Variants in COL25A1 observed in about 807,000 individuals in gnomAD.
COL25A1 encodes the protein collagen type XXV alpha 1 chain.
Under a neutral mutation model 128.4 loss-of-function variants are expected in COL25A1, and 103 were observed. The observed-to-expected ratio is 0.80, with a 90% confidence interval of 0.68 to 0.94. The LOEUF (loss-of-function observed/expected upper bound fraction) is 0.94, where lower values mean the gene tolerates loss of function less well. COL25A1 is among the 40% of genes least tolerant of loss of function. The pLI is 0.00. For missense variants in COL25A1, 745 were observed against 840.0 expected (o/e 0.89, Z 1.40); for synonymous variants, 279 against 277.2 (o/e 1.01, Z -0.06).
In COL25A1 at chr4:109,301,757, A is replaced by T. The variant is rs1267484553; in HGVS notation, c.263T>A (p.Met88Lys). 1.2e-6 allele frequency: 2 copies of T among 1,614,148 alleles called. No individual in the cohort carries two copies. Among genetic ancestry groups the T allele is most frequent in the East Asian group, 4.5e-5 (2 of 44,880 alleles). The change falls in exon 2 of 38, where the codon ATG (methionine) becomes AAG (lysine). Residue 88 changes from methionine (M) to lysine (K), a missense_variant. Physicochemically the swap from Met to Lys is moderately conservative, Grantham distance 95 (BLOSUM62 -1). Around this residue, in one of 3 missense-constraint regions of COL25A1, gnomAD observed 319 missense variants for 324.9 expected, o/e 0.98. Coordinates refer to ENST00000399132, the MANE Select transcript of COL25A1 (RefSeq NM_198721.4). The stretch of plus-strand genomic sequence containing the variant: ...AAGTCGCTCCACTTTCTCTTGCACC[A>T]TAGTCTTGAGGTGATCCAGGGTATC... ...LPDTLDHLKT[M>K]VQEKVERLLA...
At chr4:108,824,126 C>T (rs746787988) in intron 35 of COL25A1, 48 bp downstream of exon 35, 2 of 1,613,956 alleles carry the variant, frequency 1.2e-6, no homozygotes, top group Non-Finnish European at 1.7e-6. Flanking sequence ...GCAAAGCAGA[C>T]AGCAGGAGAA....
intron 5 of COL25A1, among the ~76,000 whole-genome samples, chr4:109,018,527 T>A (rs1209733511): frequency 1.3e-5 from 2 of 152,142 alleles, no homozygotes; most frequent in Admixed American, 1.3e-4. Context: ...CCTGGCCCCA[T>A]CCTCTCAATG....
At chr4:108,848,675 C>T in intron 27 of COL25A1, 84 bp downstream of exon 27, 1 of 908,936 alleles carries the variant, frequency 1.1e-6, no homozygotes, top group East Asian at 2.4e-5. Flanking sequence ...TATCAATGCT[C>T]ATGACATTTT....
At chr4:109,044,320 A>T (rs1219875063) in intron 5 of COL25A1, among the ~76,000 whole-genome samples, 4 of 152,162 alleles carry the variant, frequency 2.6e-5, no homozygotes, top group Non-Finnish European at 5.9e-5. Context: ...AGTGGAATAT[A>T]TCCAAGTTTT....
intron 8 of COL25A1, among the ~76,000 whole-genome samples, chr4:108,961,806 T>C (rs1206496162): frequency 1.3e-5 from 2 of 152,170 alleles, no homozygotes; most frequent in Non-Finnish European, 2.9e-5. Context: ...AATTTCAAGA[T>C]TGGGCCACAA....
intron 24 of COL25A1, among the ~76,000 whole-genome samples, chr4:108,853,857 T>TA (rs1429397011): frequency 6.6e-6 from 1 of 152,204 alleles, no homozygotes; most frequent in Admixed American, 6.5e-5. Context: ...CATTCTTTTT[T>TA]ATGGCTGCAT....
chr4:108,920,649 T>C, intron 11 of COL25A1, 45 bp from the exon 12 acceptor site: 2 of 1,489,606 alleles, frequency 1.3e-6, no homozygotes, highest in Non-Finnish European at 1.9e-6. Context: ...TGTAGCCATT[T>C]AAGCTTAGAT....
intron 13 of COL25A1, among the ~76,000 whole-genome samples, chr4:108,911,699 G>C (rs1744241422): frequency 1.3e-5 from 2 of 151,444 alleles, no homozygotes; most frequent in African/African-American, 2.4e-5. Context: ...TAATATGTCA[G>C]TATTTTTGTG....
At chr4:109,159,706 A>C (rs988595756) in intron 3 of COL25A1, among the ~76,000 whole-genome samples, 4 of 152,254 alleles carry the variant, frequency 2.6e-5, no homozygotes, top group Non-Finnish European at 5.9e-5. Flanking sequence ...TTCTAAACTC[A>C]TAAGACAGGG....
chr4:109,284,739 C>A (rs1291796687), intron 3 of COL25A1, among the ~76,000 whole-genome samples: 1 of 150,816 alleles, frequency 6.6e-6, no homozygotes, highest in Non-Finnish European at 1.5e-5. Flanking sequence ...ATTATTCCAA[C>A]AAATTCTGAC....
intron 5 of COL25A1, among the ~76,000 whole-genome samples, chr4:109,032,854 C>T (rs1229896041): frequency 1.3e-5 from 2 of 152,156 alleles, no homozygotes; most frequent in African/African-American, 2.4e-5. Context: ...ACAGCATGCT[C>T]GGAGTCTACT....
chr4:108,881,182 T>C (rs1740075306), intron 19 of COL25A1, among the ~76,000 whole-genome samples: 1 of 152,188 alleles, frequency 6.6e-6, no homozygotes, highest in African/African-American at 2.4e-5. Context: ...TCAGTGACTT[T>C]TATTATGTAT....
chr4:109,275,241 T>C (rs1182253493), intron 3 of COL25A1, among the ~76,000 whole-genome samples: 1 of 152,128 alleles, frequency 6.6e-6, no homozygotes, highest in East Asian at 1.9e-4. Flanking sequence ...CTATTGTGTA[T>C]TGTGTATGAT....
chr4:109,271,591 C>T (rs970026864), intron 3 of COL25A1, among the ~76,000 whole-genome samples: 2 of 152,160 alleles, frequency 1.3e-5, no homozygotes, highest in Non-Finnish European at 2.9e-5. Context: ...TTTTCAAAGC[C>T]TCTGTAATTC....
intron 3 of COL25A1, among the ~76,000 whole-genome samples, chr4:109,111,001 T>G (rs1766948569): frequency 6.6e-6 from 1 of 152,154 alleles, no homozygotes; most frequent in African/African-American, 2.4e-5. Context: ...CATTTACCCT[T>G]CAAGCATTTT....
chr4:109,174,972 G>A (rs1483290230), intron 3 of COL25A1, among the ~76,000 whole-genome samples: 3 of 152,132 alleles, frequency 2.0e-5, no homozygotes, highest in Non-Finnish European at 1.5e-5. Context: ...ACCCTATTGT[G>A]AACTGCGCTT....
At chr4:108,852,800 G>A (rs561349478) in intron 25 of COL25A1, 102 bp downstream of exon 25, 16 of 831,862 alleles carry the variant, frequency 1.9e-5, no homozygotes, top group Non-Finnish European at 3.1e-5. Flanking sequence ...ATAAAATTAA[G>A]TATCAGATAA....
At chr4:108,942,399 A>T (rs1303506359) in intron 8 of COL25A1, 2 of 765,420 alleles carry the variant, frequency 2.6e-6, no homozygotes, top group South Asian at 3.5e-5. Flanking sequence ...GCCTCATCTG[A>T]CATACCATAA....
chr4:109,115,629 G>T (rs1245507985), intron 3 of COL25A1, among the ~76,000 whole-genome samples: 1 of 152,034 alleles, frequency 6.6e-6, no homozygotes, highest in Non-Finnish European at 1.5e-5. Context: ...AAGTCATGTG[G>T]AGATGTTAAG....
Sources: gnomAD v4.1 joint callset for allele counts (sites outside exome capture counted in the v4.1 genomes callset) on GRCh38, gnomAD v4.1.1 for gene constraint, gnomAD v4.1.1 regional missense constraint, MANE v1.5 for transcripts, NCBI Gene and HGNC (gene_info 2026-07-23, HGNC 2026-07-21) for gene names.